KAZN: variants seen among roughly 807,000 people sequenced by gnomAD.
KAZN encodes the protein kazrin, periplakin interacting protein, also known as kazrin.
KAZN carries 40 observed loss-of-function variants against 87.4 expected under a neutral mutation model. The ratio of observed to expected loss-of-function variants is 0.46; its 90% CI spans 0.36 to 0.60. The LOEUF (loss-of-function observed/expected upper bound fraction) is 0.60. Ranked by LOEUF, KAZN falls within the 20% of genes least tolerant of loss-of-function variation. The probability of loss-of-function intolerance (pLI) is 0.00; values close to 1 mark genes in which losing one functional copy is unlikely to be tolerated. For missense variants in KAZN, 898 were observed against 1,073.9 expected, an observed-to-expected ratio of 0.84 and a Z score of 2.29; for synonymous variants, 466 against 458.3, an observed-to-expected ratio of 1.02 and a Z score of -0.22.
At chr1:15,059,714 G>A (rs1221785481) in intron 5 of KAZN, among the ~76,000 whole-genome samples, 3 of 152,176 alleles carry the variant, frequency 2.0e-5, no homozygotes, top group East Asian at 1.9e-4. Flanking sequence ...TTGGGAAACC[G>A]ATTTGGGGCA....
intron 1 of KAZN, among the ~76,000 whole-genome samples, chr1:14,794,983 G>A (rs989938105): frequency 6.6e-6 from 1 of 152,136 alleles, no homozygotes; most frequent in Non-Finnish European, 1.5e-5. Context: ...TCAAACATCA[G>A]ACTCCAAGTT....
chr1:14,703,905 A>G (rs1202336669), intron 1 of KAZN, among the ~76,000 whole-genome samples: 1 of 152,154 alleles, frequency 6.6e-6, no homozygotes. Flanking sequence ...AAAAATAAAA[A>G]AGAATAGATT....
intron 1 of KAZN, among the ~76,000 whole-genome samples, chr1:14,786,679 A>G (rs983078294): frequency 4.6e-5 from 7 of 152,328 alleles, no homozygotes; most frequent in Middle Eastern, 3.4e-3. Flanking sequence ...GACTCACTGA[A>G]TCAGGATAAA....
At chr1:14,028,360 A>G (rs1557792058) in intron 1 of KAZN, among the ~76,000 whole-genome samples, 1 of 152,158 alleles carries the variant, frequency 6.6e-6, no homozygotes, top group Non-Finnish European at 1.5e-5. Context: ...TTGTAGCCTG[A>G]GATGTGATGC....
At chr1:14,607,611 G>A (rs1677472355) in intron 1 of KAZN, among the ~76,000 whole-genome samples, 1 of 152,158 alleles carries the variant, frequency 6.6e-6, no homozygotes, top group Non-Finnish European at 1.5e-5. Flanking sequence ...TAGCCAGCAG[G>A]GACTCCTGTC....
chr1:14,275,552 G>A (rs1652285224), intron 2 of KAZN, among the ~76,000 whole-genome samples: 1 of 151,258 alleles, frequency 6.6e-6, no homozygotes, highest in Admixed American at 6.6e-5. Context: ...AATTCTTTGT[G>A]TATTCTTTCG....
At chr1:13,920,243 C>CAAAAAA (rs56221437) in intron 1 of KAZN, among the ~76,000 whole-genome samples, 1 of 71,786 alleles carries the variant, frequency 1.4e-5, no homozygotes, top group African/African-American at 4.8e-5. Flanking sequence ...GACCCTGTCT[C>CAAAAAA]AAAAAAAAAA....
chr1:14,105,444 T>G (rs1305033863), intron 1 of KAZN, among the ~76,000 whole-genome samples: 3 of 152,206 alleles, frequency 2.0e-5, no homozygotes, highest in Non-Finnish European at 2.9e-5. Flanking sequence ...TTATTCCTTC[T>G]GGCTGCTCAG....
intron 1 of KAZN, among the ~76,000 whole-genome samples, chr1:14,890,245 T>C (rs1428049285): frequency 6.6e-6 from 1 of 152,162 alleles, no homozygotes; most frequent in East Asian, 1.9e-4. Context: ...AAATTTCTCT[T>C]TAATGGAAGA....
chr1:14,345,539 C>T (rs769636866), intron 2 of KAZN, among the ~76,000 whole-genome samples: 5 of 152,190 alleles, frequency 3.3e-5, no homozygotes, highest in Middle Eastern at 3.4e-3. Flanking sequence ...TATTACATTC[C>T]TGTTCTTTCA....
intron 1 of KAZN, among the ~76,000 whole-genome samples, chr1:14,616,519 A>G (rs1678255390): frequency 6.6e-6 from 1 of 151,996 alleles, no homozygotes; most frequent in Non-Finnish European, 1.5e-5. Context: ...AAACACTATA[A>G]TTTTCTTGGA....
At chr1:14,339,849 A>G (rs1331655208) in intron 2 of KAZN, among the ~76,000 whole-genome samples, 1 of 152,206 alleles carries the variant, frequency 6.6e-6, no homozygotes, top group Non-Finnish European at 1.5e-5. Flanking sequence ...AAGTAGCAAC[A>G]GCTTTTCCCT....
chr1:14,436,734 A>ACAAAAACAAAAAC (rs1553172281), intron 2 of KAZN, among the ~76,000 whole-genome samples: 22 of 137,402 alleles, frequency 1.6e-4, no homozygotes, highest in Admixed American at 2.2e-4. Flanking sequence ...AAAAAAAAAA[A>ACAAAAACAAAAAC]AAAACCTTAA....
chr1:14,189,506 G>A (rs537343316), intron 2 of KAZN, among the ~76,000 whole-genome samples: 8 of 152,210 alleles, frequency 5.3e-5, no homozygotes, highest in South Asian at 2.1e-4. Context: ...CTGCTAATAC[G>A]GACAGGCTTG....
intron 1 of KAZN, among the ~76,000 whole-genome samples, chr1:14,055,933 C>T (rs958030634): frequency 1.4e-4 from 21 of 152,302 alleles, no homozygotes; most frequent in African/African-American, 3.6e-4. Flanking sequence ...GGGTCTTAAT[C>T]GTTCCCTTCA....
At chr1:15,106,803 C>CACACTG (rs1174913875) in intron 13 of KAZN, among the ~76,000 whole-genome samples, 2 of 152,154 alleles carry the variant, frequency 1.3e-5, no homozygotes, top group Non-Finnish European at 2.9e-5. Flanking sequence ...TGCTTTGACA[C>CACACTG]ACACTGACTT....
At chr1:14,939,371 G>A (rs1417902160) in intron 1 of KAZN, among the ~76,000 whole-genome samples, 2 of 152,142 alleles carry the variant, frequency 1.3e-5, no homozygotes, top group African/African-American at 4.8e-5. Flanking sequence ...CTGGGCTCAA[G>A]TCATCCTCCC....
At chr1:14,245,902 C>G (rs1339977001) in intron 2 of KAZN, among the ~76,000 whole-genome samples, 1 of 152,138 alleles carries the variant, frequency 6.6e-6, no homozygotes, top group Non-Finnish European at 1.5e-5. Flanking sequence ...CAGCACTATT[C>G]ACAATAGCAA....
intron 2 of KAZN, among the ~76,000 whole-genome samples, chr1:14,487,125 C>G (rs1219611534): frequency 6.6e-6 from 1 of 152,188 alleles, no homozygotes; most frequent in Admixed American, 6.5e-5. Context: ...CAGGGTTGCA[C>G]TTTTCTTTTC....
Sources: allele counts gnomAD v4.1 joint callset (sites outside exome capture counted in the v4.1 genomes callset), GRCh38; gene constraint gnomAD v4.1.1; transcripts MANE v1.5; gene names NCBI Gene and HGNC (gene_info 2026-07-23, HGNC 2026-07-21).